Variants in PARP4 observed in about 807,000 individuals in gnomAD.
PARP4 encodes protein mono-ADP-ribosyltransferase PARP4.
Under a neutral mutation model 187.7 loss-of-function variants are expected in PARP4, and 120 were observed. That is an observed-to-expected ratio of 0.64 (90% CI 0.55 to 0.74). PARP4 has a LOEUF of 0.74. Among genes scored for constraint, PARP4 ranks in the 30% least tolerant of loss-of-function variants. The pLI, the probability that PARP4 is intolerant of heterozygous loss-of-function variation, is 0.00. For synonymous variants in PARP4, 654 were observed against 740.9 expected (o/e 0.88, Z 1.90); for missense variants, 1,836 against 2,070.5 (o/e 0.89, Z 2.20).
rs144272641 is a variant in PARP4, at chr13:24,434,922, T to G, written c.4219A>C (p.Ser1407Arg). 57 of 1,613,996 alleles carry G rather than the reference T, an allele frequency of 3.5e-5. No homozygotes were observed. In the African/African-American group the frequency reaches 6.4e-4, roughly 18 times the overall value. ...TGCAGTGGAGCAGACTGTGCAGAGCTTAATGAGCTCCCTGAAAAAACAATG... is the reference window on the plus strand; with the variant it reads ...TGCAGTGGAGCAGACTGTGCAGAGCGTAATGAGCTCCCTGAAAAAACAATG... The part of the protein sequence containing the change: ...CGIVFSGSSL[S>R]SAQSAPLQHP... The change falls in exon 31 of 34, where the codon AGC becomes CGC. Residue 1407 changes from serine to arginine, a missense_variant. Ser to Arg is a moderately radical substitution (Grantham distance 110, BLOSUM62 -1). Around this residue, in one of 8 missense-constraint regions of PARP4, gnomAD observed 450 missense variants for 439.2 expected, o/e 1.02. Coordinates refer to ENST00000381989, the MANE Select transcript of PARP4 (RefSeq NM_006437.4).
At chr13:24,430,310 T>C (rs1439944521) in intron 32 of PARP4, among the ~76,000 whole-genome samples, 1 of 152,120 alleles carries the variant, frequency 6.6e-6, no homozygotes, top group African/African-American at 2.4e-5. Flanking sequence ...CTGCTCTATC[T>C]ATCCATGAAT....
At chr13:24,466,796 C>CAAAAAAAAAAAAAAAAAAAAA (rs34197201) in intron 17 of PARP4, among the ~76,000 whole-genome samples, 2 of 90,854 alleles carry the variant, frequency 2.2e-5, no homozygotes, top group Non-Finnish European at 4.2e-5. Context: ...GACTCTGTCT[C>CAAAAAAAAAAAAAAAAAAAAA]AAAAAAAAAA....
intron 32 of PARP4, among the ~76,000 whole-genome samples, chr13:24,430,920 G>A (rs1484575913): frequency 6.6e-6 from 1 of 152,178 alleles, no homozygotes; most frequent in East Asian, 1.9e-4. Context: ...TCTTCCTCTT[G>A]TCTAGCAGGG....
At chr13:24,438,715 A>G (rs7986037) in intron 30 of PARP4, among the ~76,000 whole-genome samples, 59,894 of 151,542 alleles carry the variant, frequency 0.4, 12,008 homozygotes, top group African/African-American at 0.46. Flanking sequence ...CTTCCTGAGC[A>G]CGTCCCAGCA....
intron 3 of PARP4, among the ~76,000 whole-genome samples, chr13:24,501,233 A>C (rs1379593620): frequency 1.3e-5 from 2 of 152,252 alleles, no homozygotes; most frequent in African/African-American, 2.4e-5. Flanking sequence ...TTGGCTTATA[A>C]AGAAAATATG....
At chr13:24,499,175 A>G (rs1869129456) in intron 5 of PARP4, 126 bp downstream of exon 5, 1 of 950,270 alleles carries the variant, frequency 1.1e-6, no homozygotes. Flanking sequence ...TAAGGACTAT[A>G]TGATATTCAG....
chr13:24,477,838 T>C lies in PARP4; in HGVS notation c.1652A>G (p.Tyr551Cys). 6.3e-7 allele frequency: 1 copy of C among 1,579,880 alleles called. No homozygotes were observed. The highest frequency in any genetic ancestry group is 8.6e-7 in the Non-Finnish European group (1 of 1,165,962). The change falls in exon 14 of 34, where the codon TAT (tyrosine) becomes TGT (cysteine). Residue 551 changes from tyrosine (Y) to cysteine (C), a missense_variant. Tyr to Cys is a radical substitution (Grantham distance 194). Coordinates refer to ENST00000381989, the MANE Select transcript of PARP4 (RefSeq NM_006437.4). ...TDFEDDEFVV[Y>C]KTNQVKMKYI... Reference sequence around the variant, plus strand: ...TTTCATTTTAACCTGATTGGTTTTATAGACAACAAATTCATCATCCTAGAG... The same window carrying C: ...TTTCATTTTAACCTGATTGGTTTTACAGACAACAAATTCATCATCCTAGAG...
At chr13:24,475,149 T>C (rs1295320312) in intron 15 of PARP4, among the ~76,000 whole-genome samples, 2 of 152,078 alleles carry the variant, frequency 1.3e-5, no homozygotes, top group Non-Finnish European at 2.9e-5. Flanking sequence ...AGCTCCTATC[T>C]GTGAAAGCAG....
chr13:24,467,380 C>T (rs1593621288), intron 17 of PARP4, among the ~76,000 whole-genome samples: 1 of 152,110 alleles, frequency 6.6e-6, no homozygotes, highest in African/African-American at 2.4e-5. Flanking sequence ...AAAATGAAGC[C>T]ATGGGTCTTT....
rs555056139 is a variant in PARP4, at chr13:24,466,188, A to G, written c.2133+2836T>C. Among the ~76,000 whole-genome samples, 6 of 152,202 alleles carry G rather than the reference A, an allele frequency of 3.9e-5. No individual in the cohort carries two copies. The South Asian group carries it at 8.3e-4, about 21-fold the overall frequency. The stretch of plus-strand genomic sequence containing the variant: ...GCTTTAGAGCAACAATCAAAACTTA[A>G]TTTTTTTATTTTTTGAGACAGGGTC... On this transcript the variant is annotated intron_variant, in intron 17 of 33. Transcript: ENST00000381989.
chr13:24,478,138 A>C lies in PARP4; in HGVS notation c.1587T>G (p.Ser529Arg). ...SLTEAPPGYD[S>R]VHGVSQTASV... ...AGGCTGTTTGCGAAACTCCATGCAC[A>C]CTGTCGTAGCCTGGTGGTGCTTCAG... is the stretch of plus-strand genomic sequence containing the variant. The change falls in exon 13 of 34, where the codon AGT becomes AGG. Residue 529 changes from serine (S) to arginine (R), a missense_variant. Physicochemically the swap from Ser to Arg is moderately radical, Grantham distance 110. Transcript: ENST00000381989. The C allele has an allele frequency of 2.5e-6, 4 of 1,611,918 alleles. No homozygotes were observed. The highest frequency in any genetic ancestry group is 1.7e-6 in the Non-Finnish European group (2 of 1,179,062).
Position 24,456,458 on chromosome 13 carries a change from G to A in PARP4, c.2445C>T (p.Val815=). 2 of 1,605,360 alleles carry A rather than the reference G, an allele frequency of 1.2e-6. No homozygotes were observed. Among genetic ancestry groups the A allele is most frequent in the Non-Finnish European group, 1.7e-6 (2 of 1,173,120 alleles). Residue 815 remains valine, a synonymous_variant, in exon 21 of 34, where the codon GTC becomes GTT. Transcript: ENST00000381989. ...AGGAGCTGCCTTCCATGGTGCTAATGACAGCTTTGCAGTCTGTGCGCTGCA... is the reference window on the plus strand; with the variant it reads ...AGGAGCTGCCTTCCATGGTGCTAATAACAGCTTTGCAGTCTGTGCGCTGCA... ...LKQKRTDCKA[V]ISTMEGSSLD... is the part of the protein sequence containing the mutation.
chr13:24,434,278 C>G (rs1252411844), intron 31 of PARP4, 117 bp downstream of exon 31: 2 of 922,496 alleles, frequency 2.2e-6, no homozygotes, highest in African/African-American at 1.7e-5. Context: ...CAGTGTACAA[C>G]CCCTTCCTTC....
rs1169578705 is a variant in PARP4, at chr13:24,469,189, T to C, written c.2047-79A>G. The C allele has an allele frequency of 4.0e-6, 4 of 1,005,242 alleles. No individual in the cohort carries two copies. In the East Asian group the frequency reaches 9.6e-5, roughly 24 times the overall value. The allele number at this position is 1,005,242 out of a possible 1,614,324, so 62.3% of individuals were successfully genotyped here. ...TAATGAAGAAAACAACATCAATGTT[T>C]ACTAAAACCCAGGCAAAAACTAAAA... On this transcript the variant is annotated intron_variant, in intron 16 of 33. Coordinates refer to ENST00000381989, the MANE Select transcript of PARP4 (RefSeq NM_006437.4).
intron 1 of PARP4, among the ~76,000 whole-genome samples, chr13:24,512,140 C>T (rs754204703): frequency 2.6e-5 from 4 of 152,194 alleles, no homozygotes; most frequent in Non-Finnish European, 5.9e-5. Context: ...TTTTCTAGAA[C>T]CTGTGATCTA....
intron 25 of PARP4, among the ~76,000 whole-genome samples, chr13:24,447,586 C>T (rs58637627): frequency 0.052 from 7,943 of 152,278 alleles, 600 homozygotes; most frequent in African/African-American, 0.17. Context: ...GTCTCGAACT[C>T]CTGACCTCAG....
At chr13:24,460,192 C>T (rs1872139958) in intron 17 of PARP4, 56 bp from the exon 18 acceptor site, 2 of 1,420,850 alleles carry the variant, frequency 1.4e-6, no homozygotes, top group African/African-American at 1.4e-5. Flanking sequence ...CATTATATGC[C>T]AGCTAACTCC....
intron 15 of PARP4, among the ~76,000 whole-genome samples, chr13:24,472,861 G>C (rs1202007504): frequency 1.1e-4 from 17 of 150,452 alleles, no homozygotes; most frequent in South Asian, 4.2e-4. Flanking sequence ...TAATAAGGTG[G>C]GATTTTCTCC....
intron 15 of PARP4, among the ~76,000 whole-genome samples, chr13:24,474,571 G>A (rs1249310280): frequency 1.3e-5 from 2 of 150,828 alleles, no homozygotes; most frequent in East Asian, 3.9e-4. Flanking sequence ...CTTCCCCCAA[G>A]ATCATCTGAG....
Sources: allele counts gnomAD v4.1 joint callset (sites outside exome capture counted in the v4.1 genomes callset), GRCh38; gene constraint gnomAD v4.1.1; regional missense constraint gnomAD v4.1.1; transcripts MANE v1.5; gene names NCBI Gene and HGNC (gene_info 2026-07-23, HGNC 2026-07-21).